SLC26A3: variants seen among roughly 807,000 people sequenced by gnomAD.
The protein encoded by SLC26A3 is chloride anion exchanger.
In SLC26A3, 64 loss-of-function variants were observed where a neutral mutation model predicts 85.6. The ratio of observed to expected loss-of-function variants is 0.75; its 90% CI spans 0.61 to 0.92. The LOEUF is 0.92. SLC26A3 is among the 40% of genes least tolerant of loss of function. The pLI is 0.00. For missense variants in SLC26A3, 922 were observed against 927.3 expected (o/e 0.99, Z 0.07); for synonymous variants, 349 against 336.0 (o/e 1.04, Z -0.42).
At chr7:107,794,229 C>A in intron 2 of SLC26A3, 150 bp downstream of exon 2, 1 of 897,168 alleles carries the variant, frequency 1.1e-6, no homozygotes, top group Non-Finnish European at 1.8e-6. Flanking sequence ...CTTTCCAACT[C>A]TGTCAGGGAG....
chr7:107,778,477 A>G (rs917225980), intron 12 of SLC26A3, among the ~76,000 whole-genome samples, 196 bp from the exon 13 acceptor site: 7 of 150,760 alleles, frequency 4.6e-5, no homozygotes, highest in Admixed American at 1.3e-4. Flanking sequence ...AGCAAAGTGC[A>G]CAGAAGACAC....
chr7:107,784,490 C>G (rs914165339), intron 8 of SLC26A3, among the ~76,000 whole-genome samples: 4 of 152,138 alleles, frequency 2.6e-5, no homozygotes, highest in Non-Finnish European at 5.9e-5. Flanking sequence ...CTTTCCCAGG[C>G]TGGAGTGCAC....
At chr7:107,795,283 T>A (rs943760673) in intron 1 of SLC26A3, among the ~76,000 whole-genome samples, 3 of 152,206 alleles carry the variant, frequency 2.0e-5, no homozygotes, top group Admixed American at 6.5e-5. Context: ...TTGTGAAGAT[T>A]AAATAAGGTT....
In SLC26A3 at chr7:107,794,410, T is replaced by A; in HGVS notation, c.100A>T (p.Thr34Ser). 6.2e-7 allele frequency: 1 copy of A among 1,614,058 alleles called. No individual in the cohort carries two copies. The highest frequency in any genetic ancestry group is 8.5e-7 in the Non-Finnish European group (1 of 1,179,924). ...CACACTTTGAGATGATCCAGAAATG[T>A]CTTATGATGTCTTCCTGTCTTTTTA... ...NHKKTGRHHK[T>S]FLDHLKVCCS... is the part of the protein sequence containing the mutation. The change falls in exon 2 of 21, where the codon ACA (threonine) becomes TCA (serine). Residue 34 changes from threonine to serine, a missense_variant. Thr to Ser is a moderately conservative substitution (Grantham distance 58). Transcript: ENST00000340010.
intron 16 of SLC26A3, 124 bp downstream of exon 16, chr7:107,774,653 A>C: frequency 1.3e-6 from 1 of 772,402 alleles, no homozygotes; most frequent in Non-Finnish European, 2.3e-6. Context: ...AAAATATAAC[A>C]CTCATTGACA....
intron 18 of SLC26A3, among the ~76,000 whole-genome samples, chr7:107,768,317 T>C (rs1156769398): frequency 6.6e-6 from 1 of 152,222 alleles, no homozygotes; most frequent in Admixed American, 6.5e-5. Context: ...GCTGTGGTTC[T>C]TTATTGTAGC....
At chr7:107,795,515 A>G (rs1038439718) in intron 1 of SLC26A3, among the ~76,000 whole-genome samples, 7 of 152,164 alleles carry the variant, frequency 4.6e-5, no homozygotes, top group Admixed American at 2.0e-4. Flanking sequence ...TTATTTTATT[A>G]TTATTATTTT....
At chr7:107,781,149 A>G (rs924866004) in intron 11 of SLC26A3, among the ~76,000 whole-genome samples, 1 of 152,224 alleles carries the variant, frequency 6.6e-6, no homozygotes, top group Non-Finnish European at 1.5e-5. Flanking sequence ...ACAGAGCATT[A>G]AGAAATCATA....
chr7:107,791,754 T>C, intron 4 of SLC26A3, 76 bp downstream of exon 4: 3 of 953,876 alleles, frequency 3.1e-6, no homozygotes, highest in South Asian at 2.6e-5. Flanking sequence ...AAATTTGGAA[T>C]TGATAGAAGG....
Position 107,793,916 on chromosome 7 carries a change from A to G in SLC26A3, c.132-35T>C, listed in dbSNP as rs577175355. 8.1e-6 allele frequency: 13 copies of G among 1,613,918 alleles called. No individual in the cohort carries two copies. The South Asian group carries it at 1.4e-4, about 18-fold the overall frequency. On this transcript the variant is annotated intron_variant, in intron 2 of 20. Coordinates refer to ENST00000340010, the MANE Select transcript of SLC26A3 (RefSeq NM_000111.3). ...TGGAAAGCCACAGGTCAGTCAATTA[A>G]TATCAAATTTTAAGTTTAGTACCTG...
intron 6 of SLC26A3, 86 bp from the exon 7 acceptor site, chr7:107,787,595 C>A (rs1794319573): frequency 2.5e-6 from 3 of 1,203,038 alleles, no homozygotes; most frequent in Admixed American, 1.9e-5. Context: ...TAAAAATAAA[C>A]ATGGAAGCAA....
chr7:107,785,769 A>T (rs893190048), intron 8 of SLC26A3, among the ~76,000 whole-genome samples: 20 of 152,358 alleles, frequency 1.3e-4, no homozygotes, highest in African/African-American at 4.6e-4. Flanking sequence ...TTAAAAAAAT[A>T]AAAAGTACAT....
intron 18 of SLC26A3, among the ~76,000 whole-genome samples, chr7:107,768,246 G>A (rs977002221): frequency 6.6e-6 from 1 of 152,184 alleles, no homozygotes; most frequent in Non-Finnish European, 1.5e-5. Context: ...ATCAAGTGTG[G>A]CTTCTTATTA....
chr7:107,774,010 A>G lies in SLC26A3; in HGVS notation c.1917T>C (p.Ile639=), dbSNP rs1337559022. 2 of 1,614,198 alleles carry G rather than the reference A, an allele frequency of 1.2e-6. No homozygotes were observed. The highest frequency in any genetic ancestry group is 2.2e-5 in the East Asian group (1 of 44,888). ...TGTGGAGGCTGATTTTGGGGACCTC[A>G]ATGTTGAGAGGAAGATCATCATTCC... is the stretch of plus-strand genomic sequence containing the variant. ...IDWNDDLPLN[I]EVPKISLHSL... Residue 639 remains isoleucine, a synonymous_variant, in exon 17 of 21, where the codon ATT becomes ATC. Coordinates refer to ENST00000340010, the MANE Select transcript of SLC26A3 (RefSeq NM_000111.3).
chr7:107,793,844 AAGAG>A lies in SLC26A3; in HGVS notation c.165_168del (p.Ser56CysfsTer4). ...GGCAACCAAGATGCTATGGGGAACA[AAGAG>A]AGGACAATTCTCTTGGCCTTTTGTG... On this transcript the variant is annotated frameshift_variant, in exon 3 of 21. Coordinates refer to ENST00000340010, the MANE Select transcript of SLC26A3 (RefSeq NM_000111.3). LOFTEE classifies it high-confidence loss of function. 6.2e-7 allele frequency: 1 copy of A among 1,614,156 alleles called. No individual in the cohort carries two copies. Among genetic ancestry groups the A allele is most frequent in the Non-Finnish European group, 8.5e-7 (1 of 1,179,996 alleles).
chr7:107,777,321 G>GC (rs766425890), intron 13 of SLC26A3, among the ~76,000 whole-genome samples: 1 of 152,152 alleles, frequency 6.6e-6, no homozygotes, highest in Non-Finnish European at 1.5e-5. Context: ...AAGGCTGGTC[G>GC]CCATGGCTCA....
intron 8 of SLC26A3, 115 bp from the exon 9 acceptor site, chr7:107,783,467 G>C: frequency 7.9e-7 from 1 of 1,263,384 alleles, no homozygotes; most frequent in South Asian, 1.2e-5. Context: ...TCACTTTGGA[G>C]TATGATTAAC....
rs75692354 is a variant in SLC26A3, at chr7:107,800,879, G to T, written c.-89+2232C>A. Among the ~76,000 whole-genome samples the T allele has an allele frequency of 1.4e-3, 219 of 152,346 alleles. 1 individual carries two copies. In the East Asian group the frequency reaches 0.04, roughly 28 times the overall value. On this transcript the variant is annotated intron_variant, in intron 1 of 20. Transcript: ENST00000340010. ...AAGAACAGATAGGTTTGGCAGGGGT[G>T]ATGACAAAGCAGTGGGCAATAAGCA...
chr7:107,795,113 C>A (rs1005408339), intron 1 of SLC26A3, among the ~76,000 whole-genome samples: 1 of 152,036 alleles, frequency 6.6e-6, no homozygotes, highest in African/African-American at 2.4e-5. Flanking sequence ...TAGAGTTTTA[C>A]AATTTATAGT....
Sources: allele counts gnomAD v4.1 joint callset (sites outside exome capture counted in the v4.1 genomes callset), GRCh38; gene constraint gnomAD v4.1.1; transcripts MANE v1.5; gene names NCBI Gene and HGNC (gene_info 2026-07-23, HGNC 2026-07-21).